Variants in STYXL1 observed in about 807,000 individuals in gnomAD.
STYXL1 encodes the protein serine/threonine/tyrosine-interacting-like protein 1.
In STYXL1, 32 loss-of-function variants were observed where a neutral mutation model predicts 36.4. The observed-to-expected ratio is 0.88, with a 90% CI of 0.66 to 1.18. The LOEUF is 1.18. STYXL1 is among the 50% of genes most tolerant of loss of function. The pLI is 0.00. For synonymous variants in STYXL1, 133 were observed against 144.1 expected, an observed-to-expected ratio of 0.92 and a Z score of 0.55; for missense variants, 354 against 394.1, an observed-to-expected ratio of 0.90 and a Z score of 0.86.
At position 75,996,430 on chromosome 7, in the gene STYXL1, G is replaced by A. The variant is rs781989462; in HGVS notation, c.*38C>T. ...CTCCACCCACAAAATGCCCCCAGGT[G>A]AGGCTCTTCAGTACCCTTCGGTGGG... On this transcript the variant is annotated 3_prime_UTR_variant, in exon 9 of 9. Transcript: ENST00000359697. 10 of 1,614,082 alleles carry A rather than the reference G, an allele frequency of 6.2e-6. No individual in the cohort carries two copies. Among genetic ancestry groups the A allele is most frequent in the South Asian group, 1.1e-5 (1 of 91,068 alleles).
At chr7:76,027,620 T>G (rs1435565953) in intron 3 of STYXL1, among the ~76,000 whole-genome samples, 1 of 150,458 alleles carries the variant, frequency 6.6e-6, no homozygotes, top group African/African-American at 2.4e-5. Context: ...CCCTAAAAAT[T>G]TACAACATAA....
intron 5 of STYXL1, among the ~76,000 whole-genome samples, chr7:76,011,373 AAAGAT>A (rs1203523838): frequency 3.3e-5 from 5 of 152,342 alleles, no homozygotes; most frequent in African/African-American, 1.2e-4. Flanking sequence ...TGTATTTCTA[AAAGAT>A]AAGGACTTGT....
intron 5 of STYXL1, among the ~76,000 whole-genome samples, chr7:76,009,901 C>G (rs1383301692): frequency 1.3e-5 from 2 of 152,180 alleles, no homozygotes; most frequent in Non-Finnish European, 2.9e-5. Flanking sequence ...ATCCAACCCT[C>G]ACAGCTACCC....
At chr7:76,031,773 G>A (rs1226576736) in intron 1 of STYXL1, among the ~76,000 whole-genome samples, 6 of 151,280 alleles carry the variant, frequency 4.0e-5, no homozygotes, top group Non-Finnish European at 8.8e-5. Context: ...TGAATACAAC[G>A]TTATCTGAGC....
At position 76,038,276 on chromosome 7, in the gene STYXL1, A is replaced by G. The variant is rs1038149580; in HGVS notation, c.-4-7749T>C. Among the ~76,000 whole-genome samples the G allele has an allele frequency of 1.5e-3, 231 of 149,416 alleles. 15 individuals carry two copies. The highest frequency in any genetic ancestry group is 6.1e-4 in the Non-Finnish European group (41 of 66,858). ...CGCTTCCGGAAGAGAACAATGGGGA[A>G]GAACAGAGAGGTCTGAAGGAATGTG... is the stretch of plus-strand genomic sequence containing the variant. On this transcript the variant is annotated intron_variant, in intron 1 of 8. Coordinates refer to ENST00000359697, the MANE Select transcript of STYXL1 (RefSeq NM_001317785.2).
At chr7:76,009,224 C>T (rs782099179) in intron 5 of STYXL1, among the ~76,000 whole-genome samples, 4 of 151,980 alleles carry the variant, frequency 2.6e-5, no homozygotes, top group South Asian at 2.1e-4. Flanking sequence ...TGAATATGCC[C>T]GAACTGGGCA....
At position 76,001,017 on chromosome 7, in the gene STYXL1, G is replaced by A. The variant is rs782797659; in HGVS notation, c.698-15C>T. ...ATGGTGAATTTCTGCAAAAAGAAGT[G>A]GGGGGTTGGGTCATGCCTGGCCCTC... On this transcript the variant is annotated splice_polypyrimidine_tract_variant and intron_variant, in intron 7 of 8. Transcript: ENST00000359697. The A allele has an allele frequency of 1.2e-5, 20 of 1,603,694 alleles. No individual in the cohort carries two copies. Among genetic ancestry groups the A allele is most frequent in the South Asian group, 2.2e-5 (2 of 90,902 alleles).
At chr7:76,012,159 T>TG (rs1227385995) in intron 5 of STYXL1, among the ~76,000 whole-genome samples, 1 of 152,024 alleles carries the variant, frequency 6.6e-6, no homozygotes, top group Non-Finnish European at 1.5e-5. Context: ...ATAATAGAGA[T>TG]GGGGGTCTCA....
intron 4 of STYXL1, among the ~76,000 whole-genome samples, chr7:76,020,406 T>C (rs1283814503): frequency 2.6e-5 from 4 of 151,642 alleles, no homozygotes; most frequent in African/African-American, 9.7e-5. Flanking sequence ...TGGCAAAGGG[T>C]GGTCAGCCCA....
chr7:76,022,238 A>T (rs1232500206), intron 3 of STYXL1, among the ~76,000 whole-genome samples: 1 of 152,196 alleles, frequency 6.6e-6, no homozygotes, highest in Non-Finnish European at 1.5e-5. Context: ...GAAGTGCCTG[A>T]CCAAAGAACA....
chr7:76,005,296 T>C lies in STYXL1; in HGVS notation c.562A>G (p.Lys188Glu). Residue 188 changes from lysine to glutamate, a missense_variant, in exon 6 of 9, where the codon AAA becomes GAA. Physicochemically the swap from Lys to Glu is moderately conservative, Grantham distance 56 (BLOSUM62 1). Transcript: ENST00000359697. ...DPKIQKDLKI[K>E]AHVNVSMDTG... Reference sequence around the variant, plus strand: ...TCCATGGAGACATTGACATGGGCTTTGATTTTCAAGTCCTTCTGAATCTTG... The same window carrying C: ...TCCATGGAGACATTGACATGGGCTTCGATTTTCAAGTCCTTCTGAATCTTG... The C allele has an allele frequency of 6.2e-7, 1 of 1,611,450 alleles. No individual in the cohort carries two copies. Among genetic ancestry groups the C allele is most frequent in the Non-Finnish European group, 8.5e-7 (1 of 1,178,016 alleles).
chr7:76,007,879 C>G (rs1791993851), intron 5 of STYXL1, among the ~76,000 whole-genome samples: 1 of 144,754 alleles, frequency 6.9e-6, no homozygotes, highest in Non-Finnish European at 1.5e-5. Context: ...CGCATCACTG[C>G]ACTCCAGCCT....
In STYXL1 at chr7:76,021,841, T is replaced by A; in HGVS notation, c.307+10A>T. 6.2e-7 allele frequency: 1 copy of A among 1,600,608 alleles called. No individual in the cohort carries two copies. The highest frequency in any genetic ancestry group is 8.6e-7 in the Non-Finnish European group (1 of 1,169,320). On this transcript the variant is annotated intron_variant, in intron 4 of 8. Transcript: ENST00000359697. Reference sequence around the variant, plus strand: ...AACTATTATTCTTGCTGCTGTTGCATAAAACCCACCTTTGCCATCACCATC... The same window carrying A: ...AACTATTATTCTTGCTGCTGTTGCAAAAAACCCACCTTTGCCATCACCATC...
chr7:76,010,697 G>A (rs1246033204), intron 5 of STYXL1, among the ~76,000 whole-genome samples: 12 of 152,094 alleles, frequency 7.9e-5, no homozygotes, highest in African/African-American at 2.4e-4. Context: ...TCCACTCTGG[G>A]CCCTACTGCC....
At chr7:76,043,360 A>G (rs1796658101) in intron 1 of STYXL1, among the ~76,000 whole-genome samples, 1 of 148,564 alleles carries the variant, frequency 6.7e-6, no homozygotes, top group Admixed American at 6.7e-5. Context: ...GGCTGGTCTC[A>G]AAACTCCTGA....
At chr7:76,002,520 G>A (rs1791078233) in intron 7 of STYXL1, among the ~76,000 whole-genome samples, 1 of 152,208 alleles carries the variant, frequency 6.6e-6, no homozygotes, top group Admixed American at 6.5e-5. Flanking sequence ...AGGCAGGCTA[G>A]ATGGGGTCCC....
At chr7:76,031,331 C>CAAAAA (rs60550486) in intron 1 of STYXL1, among the ~76,000 whole-genome samples, 3 of 42,306 alleles carry the variant, frequency 7.1e-5, no homozygotes, top group African/African-American at 1.2e-4. Flanking sequence ...ACTCTGTCTC[C>CAAAAA]AAAAAAAAAA....
chr7:76,021,376 C>A (rs552880731), intron 4 of STYXL1, among the ~76,000 whole-genome samples: 1 of 152,110 alleles, frequency 6.6e-6, no homozygotes, highest in South Asian at 2.1e-4. Context: ...CCACCGCGCC[C>A]GGCCAAGAAT....
intron 4 of STYXL1, among the ~76,000 whole-genome samples, chr7:76,020,518 C>T (rs979502325): frequency 6.6e-5 from 10 of 152,114 alleles, no homozygotes; most frequent in African/African-American, 2.2e-4. Context: ...TGCATGCTCT[C>T]GTGCCACTAC....
Sources: gnomAD v4.1 joint callset for allele counts (sites outside exome capture counted in the v4.1 genomes callset) on GRCh38, gnomAD v4.1.1 for gene constraint, MANE v1.5 for transcripts, NCBI Gene and HGNC (gene_info 2026-07-23, HGNC 2026-07-21) for gene names.